EEF1A2: variants seen among roughly 807,000 people sequenced by gnomAD.
The protein encoded by EEF1A2 is eukaryotic translation elongation factor 1 alpha 2.
EEF1A2 carries 5 observed loss-of-function variants against 39.3 expected under a neutral mutation model. The ratio of observed to expected loss-of-function variants is 0.13; its 90% CI spans 0.07 to 0.27. The LOEUF is 0.27. Among genes scored for constraint, EEF1A2 ranks in the 10% least tolerant of loss-of-function variants. The pLI is 1.00. For synonymous variants in EEF1A2, 287 were observed against 293.7 expected (o/e 0.98, Z 0.23); for missense variants, 218 against 681.4 (o/e 0.32, Z 7.57).
Position 63,497,606 on chromosome 20 carries a change from C to T in EEF1A2, c.144+14G>A. 1.2e-6 allele frequency: 2 copies of T among 1,609,502 alleles called. No individual in the cohort carries two copies. Among genetic ancestry groups the T allele is most frequent in the Non-Finnish European group, 1.7e-6 (2 of 1,177,866 alleles). ...CCTTCTCAGGGGGCCAAGACCATAG[C>T]CTGGGGAGCTCACCTCAGCCGCCTC... On this transcript the variant is annotated intron_variant, in intron 2 of 7. Transcript: ENST00000217182. The surrounding 1 kb of genome is among the most constrained non-coding windows in gnomAD (Gnocchi z 7.3).
chr20:63,490,819 A>C, intron 5 of EEF1A2, 84 bp from the exon 6 acceptor site: 1 of 1,487,074 alleles, frequency 6.7e-7, no homozygotes, highest in South Asian at 1.2e-5. Flanking sequence ...CCTGGAAACC[A>C]ACAAAGCCTG....
intron 4 of EEF1A2, 116 bp from the exon 5 acceptor site, chr20:63,493,403 C>T: frequency 1.6e-6 from 2 of 1,268,688 alleles, no homozygotes; most frequent in Non-Finnish European, 2.1e-6. Context: ...GCCTCGTGCC[C>T]TTTGAGATGA....
chr20:63,488,504 G>A (rs2082363321), intron 7 of EEF1A2, 79 bp from the exon 8 acceptor site: 1 of 1,312,566 alleles, frequency 7.6e-7, no homozygotes, highest in African/African-American at 1.6e-5. Context: ...CCGGGCGGGG[G>A]CGCAACCGCG....
In EEF1A2 at chr20:63,498,082, C is replaced by T. The variant is rs2082426381; in HGVS notation, c.-71-248G>A. 1 of 255,170 alleles carries T rather than the reference C, an allele frequency of 3.9e-6. No individual in the cohort carries two copies. Among genetic ancestry groups the T allele is most frequent in the Non-Finnish European group, 7.5e-6 (1 of 133,200 alleles). 15.8% of individuals were successfully genotyped at this position (255,170 alleles called of 1,614,324 possible). On this transcript the variant is annotated intron_variant, in intron 1 of 7. Transcript: ENST00000217182. This position sits in a 1 kb window ranked among gnomAD's most constrained non-coding sequence, Gnocchi z 4.1. ...GCTGTAAATAACTGGGCGTTGGAGC[C>T]CGCGGGCTGCTCCTTGGGAAGGGGT...
chr20:63,489,473 A>G (rs1243999123), intron 6 of EEF1A2, among the ~76,000 whole-genome samples: 1 of 152,196 alleles, frequency 6.6e-6, no homozygotes, highest in Non-Finnish European at 1.5e-5. Flanking sequence ...GTATCTCAAT[A>G]AAGCCACTTT....
In EEF1A2 at chr20:63,494,901, G is replaced by A. The variant is rs780009006; in HGVS notation, c.525C>T (p.Ser175=). The A allele has an allele frequency of 1.4e-5, 23 of 1,612,662 alleles. No homozygotes were observed. The highest frequency in any genetic ancestry group is 2.5e-6 in the Non-Finnish European group (3 of 1,179,986). Reference sequence around the variant, plus strand: ...TGTAGCCGATCTTCTTGATGTAGGCGCTGACTTCCTTGACGATCTCGTCGT... The same window carrying A: ...TGTAGCCGATCTTCTTGATGTAGGCACTGACTTCCTTGACGATCTCGTCGT... ...KRYDEIVKEV[S]AYIKKIGYNP... is the part of the protein sequence containing the mutation. The change falls in exon 4 of 8, where the codon AGC becomes AGT. Residue 175 remains serine (S), a synonymous_variant. Transcript: ENST00000217182.
Position 63,497,883 on chromosome 20 carries a change from GGAGACACCAGCA to G in EEF1A2, c.-71-61_-71-50del. On this transcript the variant is annotated intron_variant, in intron 1 of 7. Coordinates refer to ENST00000217182, the MANE Select transcript of EEF1A2 (RefSeq NM_001958.5). This position sits in a 1 kb window ranked among gnomAD's most constrained non-coding sequence, Gnocchi z 7.3. ...AGACCGGTGATGGGGAGCCCCAGGGGGAGACACCAGCAGAGACTGTCCTGGCACAGGCTGGAC... is the reference window on the plus strand; with the variant it reads ...AGACCGGTGATGGGGAGCCCCAGGGGGAGACTGTCCTGGCACAGGCTGGAC... 3 of 1,346,932 alleles carry G rather than the reference GGAGACACCAGCA, an allele frequency of 2.2e-6. No homozygotes were observed. The highest frequency in any genetic ancestry group is 3.0e-6 in the Non-Finnish European group (3 of 983,782). The allele number at this position is 1,346,932 out of a possible 1,614,324, so 83.4% of individuals were successfully genotyped here.
rs2736984 is a variant in EEF1A2 at position 63,489,221 on chromosome 20, G to A, written c.1030-69C>T. 11 of 1,499,616 alleles carry A rather than the reference G, an allele frequency of 7.3e-6. No individual in the cohort carries two copies. In the East Asian group the frequency reaches 2.6e-4, roughly 35 times the overall value. The allele number at this position is 1,499,616 out of a possible 1,614,324, so 92.9% of individuals were successfully genotyped here. A position where few individuals can be genotyped will look rare whatever the true frequency, so the allele number is the denominator to read the frequency against. On this transcript the variant is annotated intron_variant, in intron 6 of 7. Transcript: ENST00000217182. ...GGCACCGGGAGGGCGCCAGAGCGGGGCTGGGAGGCCCAGTCACCGGCGCCC... is the reference window on the plus strand; with the variant it reads ...GGCACCGGGAGGGCGCCAGAGCGGGACTGGGAGGCCCAGTCACCGGCGCCC...
intron 2 of EEF1A2, chr20:63,496,742 C>T (rs565960577): frequency 6.6e-6 from 1 of 152,630 alleles, no homozygotes; most frequent in East Asian, 1.9e-4. Context: ...AGGAGGCTGC[C>T]CAGTCTGGAG....
At chr20:63,488,476 C>T in intron 7 of EEF1A2, 51 bp from the exon 8 acceptor site, 7 of 1,361,576 alleles carry the variant, frequency 5.1e-6, no homozygotes, top group South Asian at 1.6e-5. Context: ...TTGACCCCCC[C>T]CAACCCCAGG....
intron 5 of EEF1A2, among the ~76,000 whole-genome samples, chr20:63,491,507 C>T (rs112621476): frequency 0.018 from 2,778 of 152,332 alleles, 32 homozygotes; most frequent in Middle Eastern, 0.031. Flanking sequence ...GATGCCCCCA[C>T]AGTGCACACA....
chr20:63,488,789 C>T (rs941679697), intron 7 of EEF1A2, 129 bp downstream of exon 7: 2 of 1,057,796 alleles, frequency 1.9e-6, no homozygotes, highest in Non-Finnish European at 2.7e-6. Flanking sequence ...TCCTGCCATG[C>T]TCTGGGCCAA....
chr20:63,492,779 TAGATGGAGAGATGGAG>T (rs2082396185), intron 5 of EEF1A2, among the ~76,000 whole-genome samples: 1 of 135,006 alleles, frequency 7.4e-6, no homozygotes, highest in Non-Finnish European at 1.6e-5. Flanking sequence ...GGGAGGTGGA[TAGATGGAGAGATGGAG>T]GGATGGTTCG....
chr20:63,495,312 G>T (rs2082411922), intron 3 of EEF1A2, among the ~76,000 whole-genome samples: 1 of 152,254 alleles, frequency 6.6e-6, no homozygotes, highest in African/African-American at 2.4e-5. Flanking sequence ...CCGAGGTTCA[G>T]CCCTGGCTCC....
intron 4 of EEF1A2, among the ~76,000 whole-genome samples, 183 bp downstream of exon 4, chr20:63,494,622 C>T (rs749632762): frequency 1.3e-5 from 2 of 152,250 alleles, no homozygotes; most frequent in African/African-American, 2.4e-5. Context: ...AAGCCCGGTG[C>T]TGAGGGGCAT....
chr20:63,494,529 T>C (rs1736623976), intron 4 of EEF1A2, among the ~76,000 whole-genome samples: 2 of 152,260 alleles, frequency 1.3e-5, no homozygotes, highest in South Asian at 4.1e-4. Flanking sequence ...GGCCTGGTGC[T>C]GGAGGCCGCT....
chr20:63,491,490 T>A (rs1600904225), intron 5 of EEF1A2, among the ~76,000 whole-genome samples: 1 of 152,166 alleles, frequency 6.6e-6, no homozygotes. Flanking sequence ...TGTGCTGGGG[T>A]GAGCATGATG....
chr20:63,496,179 A>G, intron 2 of EEF1A2, 144 bp from the exon 3 acceptor site: 1 of 1,009,042 alleles, frequency 9.9e-7, no homozygotes, highest in Non-Finnish European at 1.4e-6. Context: ...GGGTCCTGGG[A>G]CGCCGGCCCC....
chr20:63,493,014 A>G, intron 5 of EEF1A2, 123 bp downstream of exon 5: 2 of 1,339,854 alleles, frequency 1.5e-6, no homozygotes, highest in South Asian at 3.0e-5. Flanking sequence ...ACTGTCCCAC[A>G]GAAAGTGTGT....
Sources: gnomAD v4.1 joint callset for allele counts (sites outside exome capture counted in the v4.1 genomes callset) on GRCh38, gnomAD v4.1.1 for gene constraint, Gnocchi (gnomAD v3.1) non-coding constraint, MANE v1.5 for transcripts, NCBI Gene and HGNC (gene_info 2026-07-23, HGNC 2026-07-21) for gene names.